Variants in RBPJ observed in about 807,000 individuals in gnomAD.
RBPJ encodes recombining binding protein suppressor of hairless.
A neutral mutation model predicts 67.8 loss-of-function variants in RBPJ; 9 were observed. The observed-to-expected ratio is 0.13, with a 90% confidence interval of 0.08 to 0.23. The LOEUF is 0.23. Among genes scored for constraint, RBPJ ranks in the 10% least tolerant of loss-of-function variants. The pLI is 1.00. For synonymous variants in RBPJ, 198 were observed against 203.3 expected (o/e 0.97, Z 0.22); for missense variants, 305 against 595.6 (o/e 0.51, Z 5.08).
At chr4:26,183,586 C>T (rs767080049) in intron 1 of RBPJ, among the ~76,000 whole-genome samples, 16 of 152,122 alleles carry the variant, frequency 1.1e-4, no homozygotes, top group Admixed American at 5.2e-4. Flanking sequence ...TTTAATCTTG[C>T]GCAGTAAAAT....
At chr4:26,180,237 C>G (rs993008890) in intron 1 of RBPJ, among the ~76,000 whole-genome samples, 3 of 151,596 alleles carry the variant, frequency 2.0e-5, no homozygotes, top group African/African-American at 7.3e-5. Flanking sequence ...GGCTTAGTAC[C>G]TGGGTGACGA....
chr4:26,134,429 C>T, the RBPJ span, among the ~76,000 whole-genome samples: 2 of 152,178 alleles, frequency 1.3e-5, no homozygotes, highest in African/African-American at 2.4e-5. Context: ...GCACAGGCCC[C>T]GTGCAAGTGC....
chr4:26,393,695 G>GT (rs111741934), intron 2 of RBPJ, among the ~76,000 whole-genome samples: 91 of 150,560 alleles, frequency 6.0e-4, no homozygotes, highest in South Asian at 2.8e-3. Context: ...TTTTTAAAAT[G>GT]TTTTTTTTTC....
At chr4:26,313,717 T>G (rs2109308972) in intron 1 of RBPJ, among the ~76,000 whole-genome samples, 1 of 151,578 alleles carries the variant, frequency 6.6e-6, no homozygotes, top group East Asian at 1.9e-4. Context: ...GTACCTGTAA[T>G]CCCAGCTACT....
At chr4:26,141,402 C>T in the RBPJ span, among the ~76,000 whole-genome samples, 2 of 152,186 alleles carry the variant, frequency 1.3e-5, no homozygotes, top group African/African-American at 2.4e-5. Flanking sequence ...AAGTGCAGGA[C>T]CCAGGAAGGC....
At chr4:26,404,287 A>T (rs775896813) in intron 2 of RBPJ, among the ~76,000 whole-genome samples, 1 of 151,908 alleles carries the variant, frequency 6.6e-6, no homozygotes, top group Non-Finnish European at 1.5e-5. Flanking sequence ...GTAGACCTTT[A>T]TCAGATGCAC....
At chr4:26,163,923 A>T (rs1319346315) in intron 1 of RBPJ, among the ~76,000 whole-genome samples, 2 of 152,258 alleles carry the variant, frequency 1.3e-5, no homozygotes, top group East Asian at 1.9e-4. Flanking sequence ...CTTCCTTCTT[A>T]GGACCTTTCA....
At chr4:26,135,397 C>T in the RBPJ span, among the ~76,000 whole-genome samples, 141,749 of 152,028 alleles carry the variant, frequency 0.93, 66,929 homozygotes, top group East Asian at 1. Flanking sequence ...TTTATGGCTA[C>T]TTTGATAGGA....
chr4:26,185,567 T>C (rs890400426), intron 1 of RBPJ, among the ~76,000 whole-genome samples: 3 of 152,190 alleles, frequency 2.0e-5, no homozygotes, highest in Non-Finnish European at 4.4e-5. Flanking sequence ...ACCTGCAATA[T>C]TAATTATCCA....
At chr4:26,277,269 T>G (rs1721115191) in intron 1 of RBPJ, among the ~76,000 whole-genome samples, 1 of 121,416 alleles carries the variant, frequency 8.2e-6, no homozygotes, top group African/African-American at 6.4e-5. Context: ...AAGACCCTGT[T>G]TGTTCAAAAA....
At chr4:26,345,904 A>G (rs549086336) in intron 1 of RBPJ, among the ~76,000 whole-genome samples, 25 of 152,330 alleles carry the variant, frequency 1.6e-4, no homozygotes, top group Non-Finnish European at 8.8e-5. Context: ...GGGGCTTAAA[A>G]TGACAAAATC....
At chr4:26,160,706 A>G (rs1716062388), upstream of RBPJ, among the ~76,000 whole-genome samples, 1 of 152,222 alleles carries the variant, frequency 6.6e-6, no homozygotes, top group South Asian at 2.1e-4. Context: ...AAAAGGAGAA[A>G]GAGTGTGGGT....
At chr4:26,283,710 G>A (rs913587108) in intron 1 of RBPJ, among the ~76,000 whole-genome samples, 3 of 146,146 alleles carry the variant, frequency 2.1e-5, no homozygotes, top group Non-Finnish European at 4.5e-5. Context: ...GCCATAGCAT[G>A]ATCTCAGCTC....
At chr4:26,105,855 C>T in the RBPJ span, among the ~76,000 whole-genome samples, 1 of 151,988 alleles carries the variant, frequency 6.6e-6, no homozygotes, top group Non-Finnish European at 1.5e-5. Context: ...TGATCTCTGC[C>T]CCAAAAAGAG....
intron 7 of RBPJ, among the ~76,000 whole-genome samples, chr4:26,427,345 C>G (rs971171252): frequency 5.3e-5 from 8 of 152,136 alleles, no homozygotes; most frequent in Non-Finnish European, 1.0e-4. Context: ...TTTCGATATG[C>G]TAAGCTTGAG....
intron 1 of RBPJ, among the ~76,000 whole-genome samples, chr4:26,207,372 G>A (rs1051928224): frequency 6.6e-6 from 1 of 152,052 alleles, no homozygotes; most frequent in East Asian, 1.9e-4. Flanking sequence ...GGTTAACAGA[G>A]GTCACACCTT....
intron 1 of RBPJ, chr4:26,272,810 T>A (rs1452225625): frequency 2.3e-6 from 1 of 427,932 alleles, no homozygotes; most frequent in South Asian, 1.7e-5. Flanking sequence ...AAAGTCCTAT[T>A]GGATCTGCAT....
intron 1 of RBPJ, among the ~76,000 whole-genome samples, chr4:26,372,098 A>G (rs1408109189): frequency 1.3e-5 from 2 of 152,204 alleles, no homozygotes; most frequent in Admixed American, 6.5e-5. Flanking sequence ...TATTTTGTCT[A>G]TTGCTGTCTC....
At chr4:26,155,331 G>A in the RBPJ span, among the ~76,000 whole-genome samples, 1 of 152,142 alleles carries the variant, frequency 6.6e-6, no homozygotes, top group Non-Finnish European at 1.5e-5. Flanking sequence ...AGCCCTTCAT[G>A]GCTGAGGTGG....
Sources: gnomAD v4.1 joint callset for allele counts (sites outside exome capture counted in the v4.1 genomes callset) on GRCh38, gnomAD v4.1.1 for gene constraint, MANE v1.5 for transcripts, NCBI Gene and HGNC (gene_info 2026-07-23, HGNC 2026-07-21) for gene names.